The following FOXN3 variants were observed in gnomAD, a reference collection of about 807,000 sequenced individuals.
FOXN3 encodes the protein forkhead box N3.
In FOXN3, 7 loss-of-function variants were observed where a neutral mutation model predicts 38.4. The observed-to-expected ratio is 0.18, with a 90% CI of 0.10 to 0.34. FOXN3 has a LOEUF of 0.34. FOXN3 is among the 10% of genes least tolerant of loss of function. FOXN3 has a pLI of 1.00. For missense variants in FOXN3, 456 were observed against 613.4 expected (o/e 0.74, Z 2.71); for synonymous variants, 230 against 242.2 (o/e 0.95, Z 0.47).
At chr14:89,593,992 G>A (rs1896007291) in intron 1 of FOXN3, among the ~76,000 whole-genome samples, 1 of 152,182 alleles carries the variant, frequency 6.6e-6, no homozygotes, top group Non-Finnish European at 1.5e-5. Flanking sequence ...ACACATTAAT[G>A]TCAATGAGAC....
intron 1 of FOXN3, among the ~76,000 whole-genome samples, chr14:89,526,810 A>C (rs1449583329): frequency 6.6e-6 from 1 of 152,196 alleles, no homozygotes; most frequent in Non-Finnish European, 1.5e-5. Context: ...AACAAGAAAA[A>C]AATTAGAAGA....
chr14:89,360,810 A>T (rs1889516055), intron 2 of FOXN3, among the ~76,000 whole-genome samples: 2 of 98,162 alleles, frequency 2.0e-5, no homozygotes, highest in Non-Finnish European at 1.9e-5. Flanking sequence ...CTCCAGCACC[A>T]CCTCCACCAC....
chr14:89,439,137 C>T (rs530978889), intron 1 of FOXN3, among the ~76,000 whole-genome samples: 1 of 152,140 alleles, frequency 6.6e-6, no homozygotes, highest in South Asian at 2.1e-4. Context: ...GCATCCAACC[C>T]TGTGTGTGCC....
At chr14:89,535,211 T>TA (rs1296168020) in intron 1 of FOXN3, among the ~76,000 whole-genome samples, 1 of 151,906 alleles carries the variant, frequency 6.6e-6, no homozygotes, top group East Asian at 1.9e-4. Context: ...CCTCTTTTTT[T>TA]TTTTTTAAGT....
chr14:89,320,097 G>A (rs537789534), intron 3 of FOXN3, among the ~76,000 whole-genome samples: 7 of 152,164 alleles, frequency 4.6e-5, no homozygotes, highest in South Asian at 2.1e-4. Flanking sequence ...GCGGGCAGCC[G>A]GGAAGGGGAA....
chr14:89,447,191 C>A (rs1342929978), intron 1 of FOXN3, among the ~76,000 whole-genome samples: 1 of 141,544 alleles, frequency 7.1e-6, no homozygotes, highest in Admixed American at 7.1e-5. Flanking sequence ...AGCAAAACTC[C>A]GTCACAAAAA....
chr14:89,526,420 G>A (rs1018543492), intron 1 of FOXN3, among the ~76,000 whole-genome samples: 3 of 152,164 alleles, frequency 2.0e-5, no homozygotes, highest in Middle Eastern at 3.4e-3. Context: ...AAGATTGCAA[G>A]ATACAACATC....
intron 3 of FOXN3, among the ~76,000 whole-genome samples, chr14:89,330,927 G>C (rs963274704): frequency 2.8e-4 from 42 of 152,338 alleles, no homozygotes; most frequent in Admixed American, 1.4e-3. Flanking sequence ...CAAGGGGTAG[G>C]CTGAAGGAAT....
rs1454094781 is a variant in FOXN3 at position 89,578,180 on chromosome 14, T to A, written c.-15+40848A>T. Reference sequence around the variant, plus strand: ...AAGACCTAAAATGGATGAATGATACTTTTCCATTAAAGAAGAAACTAACTC... The same window carrying A: ...AAGACCTAAAATGGATGAATGATACATTTCCATTAAAGAAGAAACTAACTC... On this transcript the variant is annotated intron_variant, in intron 1 of 6. Transcript: ENST00000345097. Among the ~76,000 whole-genome samples the A allele has an allele frequency of 2.0e-5, 3 of 152,196 alleles. No homozygotes were observed. The East Asian group carries it at 5.8e-4, about 29-fold the overall frequency.
At chr14:89,267,258 A>G (rs987249718) in intron 4 of FOXN3, among the ~76,000 whole-genome samples, 2 of 152,190 alleles carry the variant, frequency 1.3e-5, no homozygotes, top group Non-Finnish European at 2.9e-5. Flanking sequence ...CATATAAGGA[A>G]GGGCTGGGAA....
At chr14:89,236,896 T>G (rs1426164963) in intron 4 of FOXN3, among the ~76,000 whole-genome samples, 2 of 152,184 alleles carry the variant, frequency 1.3e-5, no homozygotes, top group Non-Finnish European at 2.9e-5. Flanking sequence ...TCCAGCCACA[T>G]GTACCCCACC....
intron 4 of FOXN3, among the ~76,000 whole-genome samples, chr14:89,227,066 A>G (rs187019135): frequency 6.6e-6 from 1 of 152,246 alleles, no homozygotes; most frequent in Non-Finnish European, 1.5e-5. Flanking sequence ...ACAGAGCCAG[A>G]AGAAAAAAGC....
chr14:89,269,384 C>T (rs937114482), intron 4 of FOXN3, among the ~76,000 whole-genome samples: 1 of 152,084 alleles, frequency 6.6e-6, no homozygotes, highest in South Asian at 2.1e-4. Flanking sequence ...CTAGTCTTTG[C>T]AAATGTCTTA....
At chr14:89,469,225 G>T (rs2401826) in intron 1 of FOXN3, among the ~76,000 whole-genome samples, 149,218 of 152,254 alleles carry the variant, frequency 0.98, 73,195 homozygotes, top group Non-Finnish European at 1. Flanking sequence ...AACACCTGTC[G>T]GGGATCACCC....
At chr14:89,440,062 C>G (rs1892348960) in intron 1 of FOXN3, among the ~76,000 whole-genome samples, 1 of 152,130 alleles carries the variant, frequency 6.6e-6, no homozygotes, top group Non-Finnish European at 1.5e-5. Context: ...ATTGGGACCC[C>G]TTTCCTGTAA....
intron 1 of FOXN3, among the ~76,000 whole-genome samples, chr14:89,554,955 G>T (rs1756304): frequency 4.6e-5 from 7 of 151,720 alleles, no homozygotes; most frequent in Non-Finnish European, 8.8e-5. Flanking sequence ...TGCCTGGCTG[G>T]TTTTTTTGTA....
Position 89,490,054 on chromosome 14 carries a change from G to A in FOXN3, c.-14-77564C>T, listed in dbSNP as rs143878472. Among the ~76,000 whole-genome samples, 11 of 152,320 alleles carry A rather than the reference G, an allele frequency of 7.2e-5. No individual in the cohort carries two copies. The East Asian group carries it at 1.9e-3, about 27-fold the overall frequency. On this transcript the variant is annotated intron_variant, in intron 1 of 6. Coordinates refer to the FOXN3 transcript ENST00000345097. ...CATTCCCCTCCCTGTCTGCAAGGTC[G>A]GAGGCTCAGATTTCTGAAAACGAAG...
intron 3 of FOXN3, among the ~76,000 whole-genome samples, chr14:89,312,661 C>T (rs1191358640): frequency 6.6e-6 from 1 of 152,166 alleles, no homozygotes; most frequent in African/African-American, 2.4e-5. Flanking sequence ...CTGGACAGAC[C>T]TGAGTGTGTC....
At chr14:89,488,195 G>A (rs1429093579) in intron 1 of FOXN3, among the ~76,000 whole-genome samples, 1 of 151,560 alleles carries the variant, frequency 6.6e-6, no homozygotes, top group East Asian at 1.9e-4. Context: ...CGATTCTCCT[G>A]CCTCAGCCTC....
Sources: gnomAD v4.1 joint callset for allele counts (sites outside exome capture counted in the v4.1 genomes callset) on GRCh38, gnomAD v4.1.1 for gene constraint, MANE v1.5 for transcripts, NCBI Gene and HGNC (gene_info 2026-07-23, HGNC 2026-07-21) for gene names.